Variants in TMTC2 observed in about 807,000 individuals in gnomAD.
The protein encoded by TMTC2 is protein O-mannosyl-transferase TMTC2.
A neutral mutation model predicts 82.4 loss-of-function variants in TMTC2; 43 were observed. That is an observed-to-expected ratio of 0.52 (90% confidence interval 0.41 to 0.67). TMTC2 has a LOEUF of 0.67. Among genes scored for constraint, TMTC2 ranks in the 30% least tolerant of loss-of-function variants. The pLI, the probability that TMTC2 is intolerant of heterozygous loss-of-function variation, is 0.00. For missense variants in TMTC2, 919 were observed against 1,012.4 expected (o/e 0.91, Z 1.25); for synonymous variants, 408 against 381.9 (o/e 1.07, Z -0.80).
intron 8 of TMTC2, among the ~76,000 whole-genome samples, chr12:82,987,388 C>T (rs1879197927): frequency 7.3e-6 from 1 of 137,086 alleles, no homozygotes; most frequent in Non-Finnish European, 1.6e-5. Flanking sequence ...CATGCTACTA[C>T]ACTCCAGCCT....
At chr12:83,016,268 A>G (rs1880672547) in intron 8 of TMTC2, among the ~76,000 whole-genome samples, 1 of 152,186 alleles carries the variant, frequency 6.6e-6, no homozygotes, top group Non-Finnish European at 1.5e-5. Flanking sequence ...CTTAATTTGG[A>G]TCTTCTAAAG....
At chr12:83,130,240 T>C (rs1481021543) in intron 11 of TMTC2, among the ~76,000 whole-genome samples, 2 of 152,200 alleles carry the variant, frequency 1.3e-5, no homozygotes, top group Non-Finnish European at 1.5e-5. Flanking sequence ...ATAGTTGTGC[T>C]AAGCACTGTG....
intron 1 of TMTC2, among the ~76,000 whole-genome samples, chr12:82,845,226 CAA>C (rs66859423): frequency 1.3e-3 from 59 of 45,506 alleles, no homozygotes; most frequent in African/African-American, 4.6e-3. Context: ...GTGACTGTCT[CAA>C]AAAAAAAAAA....
At chr12:82,917,858 T>TC (rs1417039875) in intron 3 of TMTC2, among the ~76,000 whole-genome samples, 1 of 149,896 alleles carries the variant, frequency 6.7e-6, no homozygotes, top group African/African-American at 2.5e-5. Context: ...CGCCTTGGCC[T>TC]CCCAAGTGCT....
intron 1 of TMTC2, among the ~76,000 whole-genome samples, chr12:82,742,306 C>G (rs1374628500): frequency 6.6e-6 from 1 of 151,286 alleles, no homozygotes; most frequent in African/African-American, 2.4e-5. Context: ...TGTCTTTAGC[C>G]TCGGAGCTAA....
At chr12:82,966,218 CTA>C (rs1878201427) in intron 6 of TMTC2, among the ~76,000 whole-genome samples, 1 of 151,988 alleles carries the variant, frequency 6.6e-6, no homozygotes. Context: ...CTTTAAAAAA[CTA>C]TTATGAAATA....
chr12:82,992,707 C>A (rs1427926487), intron 8 of TMTC2, among the ~76,000 whole-genome samples: 3 of 152,108 alleles, frequency 2.0e-5, no homozygotes, highest in Non-Finnish European at 4.4e-5. Context: ...CCCTTCCACT[C>A]CAAATATGCA....
chr12:82,976,942 CA>C (rs2137322153), intron 7 of TMTC2, among the ~76,000 whole-genome samples: 1 of 152,094 alleles, frequency 6.6e-6, no homozygotes, highest in African/African-American at 2.4e-5. Flanking sequence ...AGGTATTTGT[CA>C]GCTATTTATC....
intron 11 of TMTC2, among the ~76,000 whole-genome samples, chr12:83,103,268 T>C (rs910759059): frequency 6.6e-6 from 1 of 152,172 alleles, no homozygotes; most frequent in Non-Finnish European, 1.5e-5. Context: ...CTCCCAATAT[T>C]GAGTCAAGAC....
At chr12:83,110,756 C>G (rs2137545696) in intron 11 of TMTC2, among the ~76,000 whole-genome samples, 1 of 152,322 alleles carries the variant, frequency 6.6e-6, no homozygotes, top group South Asian at 2.1e-4. Flanking sequence ...CTCCATCAAT[C>G]CAATGTCTTT....
At chr12:83,028,976 C>G (rs1237740435) in intron 8 of TMTC2, among the ~76,000 whole-genome samples, 1 of 152,114 alleles carries the variant, frequency 6.6e-6, no homozygotes, top group Non-Finnish European at 1.5e-5. Context: ...AATAGAGTAG[C>G]ATTACTAAAT....
intron 1 of TMTC2, among the ~76,000 whole-genome samples, chr12:82,777,037 G>T (rs1285560349): frequency 2.0e-5 from 3 of 152,178 alleles, no homozygotes; most frequent in African/African-American, 7.2e-5. Context: ...TGTCTGAGTT[G>T]CACAGCTCTA....
intron 1 of TMTC2, among the ~76,000 whole-genome samples, chr12:82,738,408 A>T (rs1875225467): frequency 1.3e-5 from 2 of 152,160 alleles, no homozygotes; most frequent in South Asian, 4.1e-4. Context: ...AAGAAGAGTG[A>T]TCTAGTGCCT....
intron 1 of TMTC2, among the ~76,000 whole-genome samples, chr12:82,809,267 A>G (rs575023881): frequency 3.7e-4 from 57 of 152,170 alleles, no homozygotes; most frequent in African/African-American, 1.3e-3. Flanking sequence ...GGTTCTTCAT[A>G]AGATTTTTTT....
intron 1 of TMTC2, among the ~76,000 whole-genome samples, chr12:82,798,253 C>T (rs557559366): frequency 2.0e-5 from 3 of 149,206 alleles, no homozygotes; most frequent in East Asian, 2.0e-4. Context: ...CCACGCCCGG[C>T]CACCTAATTT....
intron 4 of TMTC2, among the ~76,000 whole-genome samples, chr12:82,937,920 TTA>T (rs1565818618): frequency 7.7e-6 from 1 of 129,156 alleles, no homozygotes; most frequent in Non-Finnish European, 1.6e-5. Flanking sequence ...TTTTTTTTTT[TTA>T]TTTTTTTTTT....
intron 1 of TMTC2, among the ~76,000 whole-genome samples, chr12:82,831,400 A>G (rs1026226655): frequency 2.0e-5 from 3 of 152,216 alleles, no homozygotes; most frequent in African/African-American, 7.2e-5. Flanking sequence ...TTGGTTGGAA[A>G]GTATTTTGCA....
chr12:82,917,382 C>A (rs1038806366), intron 3 of TMTC2, among the ~76,000 whole-genome samples: 1 of 151,958 alleles, frequency 6.6e-6, no homozygotes, highest in Non-Finnish European at 1.5e-5. Context: ...CATCCAAAGT[C>A]CAAGACTTCC....
chr12:82,876,174 G>GGTGGTGGTGATTAGTATTCATA (rs1872565978), intron 2 of TMTC2, among the ~76,000 whole-genome samples: 1 of 144,556 alleles, frequency 6.9e-6, no homozygotes, highest in Non-Finnish European at 1.5e-5. Flanking sequence ...TAGTGTTGTT[G>GGTGGTGGTGATTAGTATTCATA]ATCGGGTGGT....
Sources: allele counts gnomAD v4.1 joint callset (sites outside exome capture counted in the v4.1 genomes callset), GRCh38; gene constraint gnomAD v4.1.1; transcripts MANE v1.5; gene names NCBI Gene and HGNC (gene_info 2026-07-23, HGNC 2026-07-21).